GTF2I: variants seen among roughly 807,000 people sequenced by gnomAD.
The protein encoded by GTF2I is general transcription factor II-I.
Under a neutral mutation model 67.6 loss-of-function variants are expected in GTF2I, and 12 were observed. That is an observed-to-expected ratio of 0.18 (90% confidence interval 0.11 to 0.29). The LOEUF (loss-of-function observed/expected upper bound fraction) is 0.29, where lower values mean the gene tolerates loss of function less well. Ranked by LOEUF, GTF2I falls within the 10% of genes least tolerant of loss-of-function variation. The pLI, the probability that GTF2I is intolerant of heterozygous loss-of-function variation, is 1.00. For synonymous variants in GTF2I, 149 were observed against 197.0 expected, an observed-to-expected ratio of 0.76 and a Z score of 2.04; for missense variants, 271 against 580.1, an observed-to-expected ratio of 0.47 and a Z score of 5.47.
At chr7:74,705,958 CT>C (rs1214967953) in intron 7 of GTF2I, among the ~76,000 whole-genome samples, 2 of 150,808 alleles carry the variant, frequency 1.3e-5, no homozygotes, top group African/African-American at 2.4e-5. Context: ...GTTGATAACT[CT>C]TTTTTTTTGT....
intron 6 of GTF2I, among the ~76,000 whole-genome samples, chr7:74,703,201 T>C (rs1790072646): frequency 6.6e-6 from 1 of 152,142 alleles, no homozygotes; most frequent in African/African-American, 2.4e-5. Context: ...TTTTTTTTCT[T>C]TTTGCAATGG....
At chr7:74,707,648 C>T (rs1312414373) in intron 8 of GTF2I, among the ~76,000 whole-genome samples, 1 of 152,056 alleles carries the variant, frequency 6.6e-6, no homozygotes, top group Non-Finnish European at 1.5e-5. Flanking sequence ...GAAGGTTTTT[C>T]TTTTTTCTTT....
intron 1 of GTF2I, among the ~76,000 whole-genome samples, chr7:74,675,221 G>T (rs1805791256): frequency 2.6e-5 from 4 of 152,120 alleles, no homozygotes; most frequent in Admixed American, 2.6e-4. Context: ...CCTTTTTGAA[G>T]ACTAGAGGCA....
At position 74,698,941 on chromosome 7, in the gene GTF2I, A is replaced by AT; in HGVS notation, c.239-14dup. ...GACCTTATTATTATTTTTTTATTTT[A>AT]TTTTTTATTTTTTTTACAGGTGTTG... On this transcript the variant is annotated intron_variant, in intron 3 of 34. Transcript: ENST00000573035. The AT allele has an allele frequency of 8.4e-7, 1 of 1,192,068 alleles. No homozygotes were observed. The highest frequency in any genetic ancestry group is 1.1e-6 in the Non-Finnish European group (1 of 897,016). 73.8% of individuals were successfully genotyped at this position (1,192,068 alleles called of 1,614,324 possible). A position where few individuals can be genotyped will look rare whatever the true frequency, so the allele number is the denominator to read the frequency against.
intron 2 of GTF2I, 59 bp downstream of exon 2, chr7:74,689,286 G>T (rs1788030366): frequency 2.9e-6 from 2 of 696,198 alleles, no homozygotes; most frequent in South Asian, 2.0e-5. Context: ...AGATAAGGTT[G>T]ATTTGTTTTT....
chr7:74,707,997 A>G (rs1790982840), intron 8 of GTF2I, among the ~76,000 whole-genome samples: 1 of 151,884 alleles, frequency 6.6e-6, no homozygotes, highest in African/African-American at 2.4e-5. Context: ...GGAACAGAGA[A>G]AATTTAATGT....
chr7:74,664,010 G>T (rs2131186396), intron 1 of GTF2I, among the ~76,000 whole-genome samples: 1 of 151,990 alleles, frequency 6.6e-6, no homozygotes, highest in East Asian at 1.9e-4. Flanking sequence ...TGTATTTTTA[G>T]TAGAGACGGG....
chr7:74,722,064 A>C (rs1022517855), intron 12 of GTF2I, among the ~76,000 whole-genome samples: 21 of 152,162 alleles, frequency 1.4e-4, no homozygotes, highest in Middle Eastern at 3.2e-3. Context: ...AGAAAAAAAA[A>C]CAGAACTTTG....
chr7:74,717,127 T>A, intron 11 of GTF2I, 177 bp downstream of exon 11: 4 of 718,170 alleles, frequency 5.6e-6, no homozygotes, highest in Non-Finnish European at 8.4e-6. Flanking sequence ...TATACTTCTT[T>A]GACCATACTG....
At chr7:74,667,158 A>C (rs1805052585) in intron 1 of GTF2I, among the ~76,000 whole-genome samples, 1 of 152,022 alleles carries the variant, frequency 6.6e-6, no homozygotes, top group Non-Finnish European at 1.5e-5. Flanking sequence ...GAAAACAAAC[A>C]AACAAAAAAA....
At chr7:74,681,984 G>A (rs1189827770) in intron 1 of GTF2I, among the ~76,000 whole-genome samples, 3 of 152,122 alleles carry the variant, frequency 2.0e-5, no homozygotes, top group East Asian at 1.9e-4. Context: ...AATGTGGTAC[G>A]CATGAAGGTG....
At chr7:74,710,604 G>A (rs1386304167) in intron 8 of GTF2I, among the ~76,000 whole-genome samples, 10 of 152,174 alleles carry the variant, frequency 6.6e-5, no homozygotes, top group Middle Eastern at 3.4e-3. Context: ...GATGTATTAG[G>A]CAGAAAAAAA....
At chr7:74,707,802 G>A (rs587740166) in intron 8 of GTF2I, among the ~76,000 whole-genome samples, 19 of 151,784 alleles carry the variant, frequency 1.3e-4, no homozygotes, top group African/African-American at 4.6e-4. Context: ...GAAACATGCT[G>A]AATTCAGAAA....
chr7:74,670,705 A>AC (rs1554390333), intron 1 of GTF2I, among the ~76,000 whole-genome samples: 4 of 151,712 alleles, frequency 2.6e-5, no homozygotes, highest in African/African-American at 9.6e-5. Context: ...AAAACAAAAA[A>AC]AAAACAAAAA....
chr7:74,690,947 C>CAT (rs782765041), intron 2 of GTF2I, 26 bp from the exon 3 acceptor site: 40 of 1,598,310 alleles, frequency 2.5e-5, no homozygotes, highest in Non-Finnish European at 3.3e-5. Flanking sequence ...CCGCCTGTAA[C>CAT]ATGATGTTTG....
intron 16 of GTF2I, 41 bp downstream of exon 16, chr7:74,734,022 A>G (rs1554407212): frequency 2.9e-6 from 4 of 1,382,024 alleles, no homozygotes; most frequent in Non-Finnish European, 3.1e-6. Context: ...GATTATGTGC[A>G]ATAATTATTT....
intron 1 of GTF2I, among the ~76,000 whole-genome samples, chr7:74,682,246 G>A (rs1455107747): frequency 2.0e-5 from 3 of 152,178 alleles, no homozygotes; most frequent in Non-Finnish European, 4.4e-5. Flanking sequence ...GGATATGGAA[G>A]GTATGGTTCC....
intron 3 of GTF2I, among the ~76,000 whole-genome samples, chr7:74,692,363 T>C (rs1052361055): frequency 1.4e-4 from 22 of 151,756 alleles, no homozygotes; most frequent in African/African-American, 5.3e-4. Flanking sequence ...AGCCACCACA[T>C]CCGGCCGGGA....
chr7:74,699,965 A>G (rs1415475847), intron 4 of GTF2I: 5 of 287,804 alleles, frequency 1.7e-5, no homozygotes, highest in African/African-American at 6.5e-5. Flanking sequence ...GGATGGGACC[A>G]TCTTCAAGAA....
Sources: allele counts gnomAD v4.1 joint callset (sites outside exome capture counted in the v4.1 genomes callset), GRCh38; gene constraint gnomAD v4.1.1; transcripts MANE v1.5; gene names NCBI Gene and HGNC (gene_info 2026-07-23, HGNC 2026-07-21).